PLAGL1: variants seen among roughly 807,000 people sequenced by gnomAD.
PLAGL1 encodes PLAG1 like zinc finger 1, also known as zinc finger protein PLAGL1.
Under a neutral mutation model 4.6 loss-of-function variants are expected in PLAGL1, and 1 was observed. The ratio of observed to expected loss-of-function variants is 0.22; its 90% CI spans 0.08 to 1.03. PLAGL1 has a LOEUF of 1.03. PLAGL1 is among the 50% of genes least tolerant of loss of function. The pLI is 0.58. For missense variants in PLAGL1, 464 were observed against 570.4 expected (o/e 0.81, Z 1.90); for synonymous variants, 240 against 237.8 (o/e 1.01, Z -0.08).
chr6:144,057,728 G>C (rs1436613973), intron 1 of PLAGL1, among the ~76,000 whole-genome samples: 4 of 151,314 alleles, frequency 2.6e-5, no homozygotes, highest in Non-Finnish European at 4.4e-5. Flanking sequence ...GGTTGTTGGA[G>C]AAAGTGGCAA....
Position 143,962,299 on chromosome 6 carries a change from T to C in PLAGL1, c.-398-1757A>G, listed in dbSNP as rs1783546285. ...TGCAGATTGCTTTTCAGGTCAGAAT[T>C]TAGATTTCTAAAGCAGAGGGAAAAA... is the stretch of plus-strand genomic sequence containing the variant. On this transcript the variant is annotated intron_variant, in intron 5 of 7. Transcript: ENST00000674357. The surrounding 1 kb of genome is among the most constrained non-coding windows in gnomAD (Gnocchi z 5.3). 6.6e-6 allele frequency among the ~76,000 whole-genome samples: 1 copy of C among 152,180 alleles called. No individual in the cohort carries two copies. Among genetic ancestry groups the C allele is most frequent in the South Asian group, 2.1e-4 (1 of 4,834 alleles).
In PLAGL1 at chr6:143,953,324, A is replaced by G. The variant is rs373015030; in HGVS notation, c.-324-4864T>C. Among the ~76,000 whole-genome samples, 139 of 152,360 alleles carry G rather than the reference A, an allele frequency of 9.1e-4. 1 individual carries two copies. In the Middle Eastern group the frequency reaches 0.01, roughly 11 times the overall value. On this transcript the variant is annotated intron_variant, in intron 6 of 7. Coordinates refer to ENST00000674357, the MANE Select transcript of PLAGL1 (RefSeq NM_001317162.2). This position sits in a 1 kb window ranked among gnomAD's most constrained non-coding sequence, Gnocchi z 5.3. ...CTGAGCCATCAGGTTTGTTGCCTATAGATTCTTTTCAGCTGTCACCTTGAA... is the reference window on the plus strand; with the variant it reads ...CTGAGCCATCAGGTTTGTTGCCTATGGATTCTTTTCAGCTGTCACCTTGAA...
chr6:144,054,743 C>T (rs541363534), intron 1 of PLAGL1, among the ~76,000 whole-genome samples: 1 of 142,046 alleles, frequency 7.0e-6, no homozygotes, highest in South Asian at 2.2e-4. Context: ...CCATGTATCC[C>T]GGAGCATAAA....
Position 143,994,581 on chromosome 6 carries a change from T to C in PLAGL1, c.-583-9407A>G, listed in dbSNP as rs1325111110. ...ACTAATGGCATTATAAATACTACTA[T>C]TATTCGCAAAAAAATGTATGGAAGA... On this transcript the variant is annotated intron_variant, in intron 1 of 7. Coordinates refer to ENST00000674357, the MANE Select transcript of PLAGL1 (RefSeq NM_001317162.2). The surrounding 1 kb of genome is among the most constrained non-coding windows in gnomAD (Gnocchi z 4.3). Among the ~76,000 whole-genome samples the C allele has an allele frequency of 6.6e-6, 1 of 152,200 alleles. No homozygotes were observed. Among genetic ancestry groups the C allele is most frequent in the African/African-American group, 2.4e-5 (1 of 41,438 alleles).
At position 143,952,013 on chromosome 6, in the gene PLAGL1, T is replaced by G. The variant is rs1050507885; in HGVS notation, c.-324-3553A>C. On this transcript the variant is annotated intron_variant, in intron 6 of 7. Transcript: ENST00000674357. This position sits in a 1 kb window ranked among gnomAD's most constrained non-coding sequence, Gnocchi z 6.1. Reference sequence around the variant, plus strand: ...CTTAGAATACAAATATTTGTTTTCATGATATAATAATAAACTTCTGTAAAA... The same window carrying G: ...CTTAGAATACAAATATTTGTTTTCAGGATATAATAATAAACTTCTGTAAAA... Among the ~76,000 whole-genome samples the G allele has an allele frequency of 1.3e-5, 2 of 152,006 alleles. No individual in the cohort carries two copies. The highest frequency in any genetic ancestry group is 1.3e-4 in the Admixed American group (2 of 15,272).
chr6:144,009,169 G>C (rs1421861148), upstream of PLAGL1, among the ~76,000 whole-genome samples: 1 of 152,232 alleles, frequency 6.6e-6, no homozygotes, highest in Non-Finnish European at 1.5e-5. Flanking sequence ...CCTTTAGGGG[G>C]TAACCCTGCC....
chr6:143,996,477 A>G (rs940994781), intron 1 of PLAGL1, among the ~76,000 whole-genome samples: 19 of 151,988 alleles, frequency 1.3e-4, no homozygotes, highest in African/African-American at 4.6e-4. Flanking sequence ...TGGGCACATG[A>G]CTCCCCAGAA....
At position 143,949,337 on chromosome 6, in the gene PLAGL1, T is replaced by C. The variant is rs1225433370; in HGVS notation, c.-324-877A>G. The stretch of plus-strand genomic sequence containing the variant: ...AACCAGGTTCTTCTTTTTCTACCAA[T>C]TGGCCATCATTGGAGGAACCTGAAG... On this transcript the variant is annotated intron_variant, in intron 6 of 7. Coordinates refer to ENST00000674357, the MANE Select transcript of PLAGL1 (RefSeq NM_001317162.2). This position sits in a 1 kb window ranked among gnomAD's most constrained non-coding sequence, Gnocchi z 5.3. Among the ~76,000 whole-genome samples the C allele has an allele frequency of 2.6e-5, 4 of 152,174 alleles. No homozygotes were observed. The highest frequency in any genetic ancestry group is 9.7e-5 in the African/African-American group (4 of 41,438).
chr6:144,035,767 G>T (rs555473838), intron 1 of PLAGL1, among the ~76,000 whole-genome samples: 7 of 151,910 alleles, frequency 4.6e-5, no homozygotes, highest in Admixed American at 3.3e-4. Context: ...TCTTCTTTTT[G>T]CCTCTAGATA....
Position 143,979,666 on chromosome 6 carries a change from C to A in PLAGL1, c.-544+5469G>T, listed in dbSNP as rs1405328620. On this transcript the variant is annotated intron_variant, in intron 2 of 7. Coordinates refer to ENST00000674357, the MANE Select transcript of PLAGL1 (RefSeq NM_001317162.2). This position sits in a 1 kb window ranked among gnomAD's most constrained non-coding sequence, Gnocchi z 4.6. ...AACTTTTGCTTTTATATGTTATATA[C>A]CCCATTTGCTATTTTTGTTTAAACC... Among the ~76,000 whole-genome samples, 1 of 151,806 alleles carries A rather than the reference C, an allele frequency of 6.6e-6. No homozygotes were observed. Among genetic ancestry groups the A allele is most frequent in the African/African-American group, 2.4e-5 (1 of 41,340 alleles).
At position 143,980,314 on chromosome 6, in the gene PLAGL1, G is replaced by A. The variant is rs532223934; in HGVS notation, c.-544+4821C>T. 9.3e-5 allele frequency among the ~76,000 whole-genome samples: 14 copies of A among 151,020 alleles called. No individual in the cohort carries two copies. The South Asian group carries it at 2.5e-3, about 27-fold the overall frequency. ...TTTTCTGTCCTCTCCCTCCTTTGGG[G>A]ACTCCAATTACATACATATTTGGTC... On this transcript the variant is annotated intron_variant, in intron 2 of 7. Coordinates refer to ENST00000674357, the MANE Select transcript of PLAGL1 (RefSeq NM_001317162.2).
intron 1 of PLAGL1, among the ~76,000 whole-genome samples, chr6:144,042,677 G>A (rs1344292037): frequency 6.6e-6 from 1 of 152,144 alleles, no homozygotes; most frequent in Non-Finnish European, 1.5e-5. Flanking sequence ...GGTTCCATAT[G>A]AACTTTAAAG....
At chr6:143,991,429 A>G (rs1790453730) in intron 1 of PLAGL1, among the ~76,000 whole-genome samples, 1 of 152,142 alleles carries the variant, frequency 6.6e-6, no homozygotes, top group Non-Finnish European at 1.5e-5. Context: ...AATTTTGGTG[A>G]TTAGGGCATC....
In PLAGL1 at chr6:144,036,936, G is replaced by C. The variant is rs911052657; in HGVS notation, c.-151+27532C>G. 1 of 182,510 alleles carries C rather than the reference G, an allele frequency of 5.5e-6. No homozygotes were observed. Among genetic ancestry groups the C allele is most frequent in the East Asian group, 1.7e-4 (1 of 5,916 alleles). 11.3% of individuals were successfully genotyped at this position (182,510 alleles called of 1,614,324 possible). On this transcript the variant is annotated intron_variant, in intron 1 of 3. Transcript: ENST00000437412. This position sits in a 1 kb window ranked among gnomAD's most constrained non-coding sequence, Gnocchi z 5.1. The stretch of plus-strand genomic sequence containing the variant: ...TGTGATGAATTATATGCCCTGGAGA[G>C]AGGCAGAAAGTGATTACACCACCTT...
In PLAGL1 at chr6:143,950,306, C is replaced by A. The variant is rs900488172; in HGVS notation, c.-324-1846G>T. The stretch of plus-strand genomic sequence containing the variant: ...GTCCCGGCTCTGCCCAAACCCCTTT[C>A]CCCCAACCCCTGGTTCCCTTCCAGT... On this transcript the variant is annotated intron_variant, in intron 6 of 7. Transcript: ENST00000674357. The surrounding 1 kb of genome is among the most constrained non-coding windows in gnomAD (Gnocchi z 6.3). 1.3e-5 allele frequency among the ~76,000 whole-genome samples: 2 copies of A among 152,176 alleles called. No homozygotes were observed. Among genetic ancestry groups the A allele is most frequent in the Admixed American group, 6.5e-5 (1 of 15,282 alleles).
rs1780076405 is a variant in PLAGL1, at chr6:143,947,675, C to T, written c.152+310G>A. Among the ~76,000 whole-genome samples the T allele has an allele frequency of 2.0e-5, 3 of 152,188 alleles. No individual in the cohort carries two copies. Among genetic ancestry groups the T allele is most frequent in the Admixed American group, 2.0e-4 (3 of 15,284 alleles). ...TCAGGCAGTGAAGAACAACTTCTAC[C>T]ACCTGTATAGCTCTGTCAAAGCAGT... On this transcript the variant is annotated intron_variant, in intron 7 of 7. Coordinates refer to ENST00000674357, the MANE Select transcript of PLAGL1 (RefSeq NM_001317162.2). The surrounding 1 kb of genome is among the most constrained non-coding windows in gnomAD (Gnocchi z 4.3).
chr6:144,041,528 C>T (rs1797728841), intron 1 of PLAGL1, among the ~76,000 whole-genome samples: 1 of 152,208 alleles, frequency 6.6e-6, no homozygotes, highest in Non-Finnish European at 1.5e-5. Context: ...TTTTTTATGG[C>T]TGCATAGTAT....
chr6:143,973,478 CG>C lies in PLAGL1; in HGVS notation c.-543-4501del, dbSNP rs761805649. ...CAAGGTCAGAGGGAGAAAACAAGCA[CG>C]GGGGGAAGTCCTCTGCTTCTAGGGC... On this transcript the variant is annotated intron_variant, in intron 2 of 7. Transcript: ENST00000674357. This position sits in a 1 kb window ranked among gnomAD's most constrained non-coding sequence, Gnocchi z 6.2. Among the ~76,000 whole-genome samples the C allele has an allele frequency of 1.3e-5, 2 of 152,114 alleles. No homozygotes were observed. Among genetic ancestry groups the C allele is most frequent in the African/African-American group, 4.8e-5 (2 of 41,420 alleles).
chr6:144,002,887 T>TA (rs1793219841), intron 1 of PLAGL1, among the ~76,000 whole-genome samples: 1 of 151,490 alleles, frequency 6.6e-6, no homozygotes, highest in Admixed American at 6.6e-5. Context: ...GGTAGGCTTT[T>TA]TTTTTTTTTT....
Sources: gnomAD v4.1 joint callset for allele counts (sites outside exome capture counted in the v4.1 genomes callset) on GRCh38, gnomAD v4.1.1 for gene constraint, Gnocchi (gnomAD v3.1) non-coding constraint, MANE v1.5 for transcripts, NCBI Gene and HGNC (gene_info 2026-07-23, HGNC 2026-07-21) for gene names.